The following AP3B1 variants were observed in gnomAD, a reference collection of about 807,000 sequenced individuals.
AP3B1 encodes adaptor related protein complex 3 subunit beta 1, also known as AP-3 complex subunit beta-1.
Under a neutral mutation model 132.5 loss-of-function variants are expected in AP3B1, and 61 were observed. The observed-to-expected ratio is 0.46, with a 90% CI of 0.37 to 0.57. The LOEUF (loss-of-function observed/expected upper bound fraction) is 0.57, where lower values mean the gene tolerates loss of function less well. AP3B1 is among the 20% of genes least tolerant of loss of function. The pLI, the probability that AP3B1 is intolerant of heterozygous loss-of-function variation, is 0.00. For synonymous variants in AP3B1, 388 were observed against 438.3 expected, an observed-to-expected ratio of 0.89 and a Z score of 1.43; for missense variants, 1,120 against 1,289.4, an observed-to-expected ratio of 0.87 and a Z score of 2.01.
intron 22 of AP3B1, among the ~76,000 whole-genome samples, chr5:78,046,647 C>T (rs1748342179): frequency 6.6e-6 from 1 of 152,096 alleles, no homozygotes; most frequent in Non-Finnish European, 1.5e-5. Flanking sequence ...ACAAAATCTC[C>T]CTCTGGGGCA....
intron 5 of AP3B1, among the ~76,000 whole-genome samples, chr5:78,226,786 A>G (rs956628687): frequency 2.6e-5 from 4 of 152,156 alleles, no homozygotes; most frequent in African/African-American, 9.6e-5. Flanking sequence ...TTCTATTTGG[A>G]CAGTAAATTT....
At chr5:78,201,804 C>T (rs1745300033) in intron 7 of AP3B1, among the ~76,000 whole-genome samples, 1 of 152,080 alleles carries the variant, frequency 6.6e-6, no homozygotes, top group Admixed American at 6.6e-5. Context: ...ATTTAAATTC[C>T]ACAGGGTAAT....
intron 23 of AP3B1, among the ~76,000 whole-genome samples, chr5:78,035,151 G>A (rs558724322): frequency 1.2e-3 from 189 of 151,890 alleles, no homozygotes; most frequent in African/African-American, 4.1e-3. Context: ...ATACAATACA[G>A]TATTTTTTTT....
intron 21 of AP3B1, among the ~76,000 whole-genome samples, chr5:78,097,000 CG>C (rs1750846502): frequency 7.6e-6 from 1 of 131,082 alleles, no homozygotes; most frequent in East Asian, 2.2e-4. Flanking sequence ...CCGCCCTGTC[CG>C]GGAGGGAGGT....
intron 1 of AP3B1, among the ~76,000 whole-genome samples, chr5:78,269,224 A>T (rs771631285): frequency 8.5e-5 from 13 of 152,274 alleles, no homozygotes; most frequent in Admixed American, 3.9e-4. Context: ...TGTTTCAAAT[A>T]TATTCATTTT....
chr5:78,092,471 T>C (rs1403501161), intron 21 of AP3B1, among the ~76,000 whole-genome samples: 2 of 152,164 alleles, frequency 1.3e-5, no homozygotes, highest in African/African-American at 4.8e-5. Flanking sequence ...AAAAACAAAG[T>C]GACTCTATGG....
chr5:78,023,146 A>T (rs1486419353), intron 24 of AP3B1, among the ~76,000 whole-genome samples: 1 of 152,226 alleles, frequency 6.6e-6, no homozygotes, highest in Non-Finnish European at 1.5e-5. Context: ...AATGTGAACA[A>T]CTGGGTGAAT....
At chr5:78,122,555 GACAA>G (rs1364140868) in intron 17 of AP3B1, among the ~76,000 whole-genome samples, 18 of 152,142 alleles carry the variant, frequency 1.2e-4, no homozygotes, top group Non-Finnish European at 2.4e-4. Context: ...ACCAATAACG[GACAA>G]ACAGAGAGCC....
intron 22 of AP3B1, among the ~76,000 whole-genome samples, chr5:78,060,996 T>C (rs1749028315): frequency 6.6e-6 from 1 of 152,230 alleles, no homozygotes; most frequent in South Asian, 2.1e-4. Flanking sequence ...GCTCAGATCA[T>C]CACACTACCT....
intron 20 of AP3B1, among the ~76,000 whole-genome samples, chr5:78,109,810 G>A (rs143804723): frequency 6.4e-4 from 98 of 152,178 alleles, no homozygotes; most frequent in African/African-American, 2.2e-3. Flanking sequence ...ACTAAAGAAT[G>A]TATACTCTTT....
rs143196483 is a variant in AP3B1 at position 78,236,962 on chromosome 5, A to G, written c.279+3900T>C. ...ATAACAAGCACATAGTGTTTAATAA[A>G]TATCTACTAAATTAATCATAAGTAA... is the stretch of plus-strand genomic sequence containing the variant. On this transcript the variant is annotated intron_variant, in intron 3 of 26. Coordinates refer to ENST00000255194, the MANE Select transcript of AP3B1 (RefSeq NM_003664.5). Among the ~76,000 whole-genome samples, 40 of 152,336 alleles carry G rather than the reference A, an allele frequency of 2.6e-4. No individual in the cohort carries two copies. The East Asian group carries it at 7.5e-3, about 29-fold the overall frequency.
chr5:78,141,774 C>T (rs1753156934), intron 14 of AP3B1, among the ~76,000 whole-genome samples: 3 of 152,100 alleles, frequency 2.0e-5, no homozygotes, highest in Admixed American at 1.3e-4. Context: ...ACAGCAGTTC[C>T]CAAACCTCAA....
In AP3B1 at chr5:78,043,156, G is replaced by A. The variant is rs1438609788; in HGVS notation, c.2578-3882C>T. The A allele has an allele frequency of 2.6e-5, 4 of 152,396 alleles. No individual in the cohort carries two copies. In the East Asian group the frequency reaches 7.7e-4, roughly 29 times the overall value. 9.4% of individuals were successfully genotyped at this position (152,396 alleles called of 1,614,324 possible). The stretch of plus-strand genomic sequence containing the variant: ...ATCTGCCTTTTTTTGTTTGTTTTGA[G>A]ATGGTGTAACACTCTGTCGTCCAGG... On this transcript the variant is annotated intron_variant, in intron 22 of 26. Transcript: ENST00000255194.
intron 21 of AP3B1, among the ~76,000 whole-genome samples, chr5:78,094,723 C>T (rs1750700762): frequency 6.6e-6 from 1 of 152,054 alleles, no homozygotes; most frequent in South Asian, 2.1e-4. Context: ...CTCTGTCACC[C>T]AGGCTGGAGT....
intron 18 of AP3B1, 86 bp downstream of exon 18, chr5:78,116,040 G>T: frequency 1.0e-6 from 1 of 973,862 alleles, no homozygotes; most frequent in Non-Finnish European, 1.6e-6. Flanking sequence ...ACTACCTGCT[G>T]AATATTATGG....
intron 2 of AP3B1, among the ~76,000 whole-genome samples, chr5:78,265,822 C>T (rs1748297562): frequency 1.3e-5 from 2 of 152,196 alleles, no homozygotes; most frequent in Non-Finnish European, 2.9e-5. Flanking sequence ...CCACAGCCAG[C>T]TACTTCTGTA....
chr5:78,149,010 C>T (rs1753533161), intron 14 of AP3B1, among the ~76,000 whole-genome samples: 1 of 152,146 alleles, frequency 6.6e-6, no homozygotes. Flanking sequence ...AAAAGCTTAA[C>T]CTCTCATTTC....
chr5:78,193,679 T>C lies in AP3B1; in HGVS notation c.787-12017A>G, dbSNP rs1744933995. 2.0e-5 allele frequency among the ~76,000 whole-genome samples: 3 copies of C among 146,530 alleles called. No individual in the cohort carries two copies. The South Asian group carries it at 6.3e-4, about 31-fold the overall frequency. The stretch of plus-strand genomic sequence containing the variant: ...ATATACATATTTATATATATTTATA[T>C]ATTTACATATATATTTTTAAATATT... On this transcript the variant is annotated intron_variant, in intron 7 of 26. Coordinates refer to ENST00000255194, the MANE Select transcript of AP3B1 (RefSeq NM_003664.5).
At chr5:78,162,148 T>TTTTC (rs1743412709) in intron 13 of AP3B1, among the ~76,000 whole-genome samples, 1 of 152,150 alleles carries the variant, frequency 6.6e-6, no homozygotes, top group Non-Finnish European at 1.5e-5. Context: ...TAAAGTTGGC[T>TTTTC]TTTCTTTCTT....
Sources: gnomAD v4.1 joint callset for allele counts (sites outside exome capture counted in the v4.1 genomes callset) on GRCh38, gnomAD v4.1.1 for gene constraint, MANE v1.5 for transcripts, NCBI Gene and HGNC (gene_info 2026-07-23, HGNC 2026-07-21) for gene names.